The following NMBR variants were observed in gnomAD, a reference collection of about 807,000 sequenced individuals.
NMBR encodes neuromedin-B receptor.
Under a neutral mutation model 20.5 loss-of-function variants are expected in NMBR, and 16 were observed. The ratio of observed to expected loss-of-function variants is 0.78; its 90% CI spans 0.53 to 1.19. The LOEUF is 1.19. Ranked by LOEUF, NMBR falls within the 50% of genes most tolerant of loss-of-function variation. NMBR has a pLI of 0.00. For missense variants in NMBR, 582 were observed against 499.1 expected (o/e 1.17, Z -1.58); for synonymous variants, 212 against 196.6 (o/e 1.08, Z -0.65).
At chr6:142,082,263 T>C (rs976988235) in intron 2 of NMBR, among the ~76,000 whole-genome samples, 7 of 152,204 alleles carry the variant, frequency 4.6e-5, no homozygotes, top group African/African-American at 7.2e-5. Context: ...CTCACTGTTA[T>C]ATCTCTAATA....
At chr6:142,089,700 A>G (rs1434369199) in intron 1 of NMBR, among the ~76,000 whole-genome samples, 1 of 152,144 alleles carries the variant, frequency 6.6e-6, no homozygotes, top group African/African-American at 2.4e-5. Context: ...AGATCCACTC[A>G]TGTTTTTTCT....
chr6:142,100,433 G>T (rs561800079), intron 1 of NMBR, among the ~76,000 whole-genome samples: 3 of 152,246 alleles, frequency 2.0e-5, no homozygotes, highest in South Asian at 2.1e-4. Context: ...AATATATTTT[G>T]CTGATTGAAC....
intron 1 of NMBR, among the ~76,000 whole-genome samples, chr6:142,121,987 C>A (rs1777950829): frequency 2.0e-5 from 3 of 151,910 alleles, no homozygotes; most frequent in African/African-American, 7.2e-5. Context: ...ACAAGACACA[C>A]AGACATTGTA....
At chr6:142,145,701 G>GA (rs1778420264) in intron 1 of NMBR, among the ~76,000 whole-genome samples, 1 of 152,214 alleles carries the variant, frequency 6.6e-6, no homozygotes, top group Non-Finnish European at 1.5e-5. Context: ...GTAGACCAAG[G>GA]AAATTGGGGC....
At chr6:142,083,721 G>A (rs1000522880) in intron 2 of NMBR, among the ~76,000 whole-genome samples, 1 of 152,096 alleles carries the variant, frequency 6.6e-6, no homozygotes, top group African/African-American at 2.4e-5. Context: ...AGACATGCTT[G>A]CTTCCCCTTC....
intron 1 of NMBR, among the ~76,000 whole-genome samples, chr6:142,106,235 A>G (rs929132609): frequency 6.6e-6 from 1 of 152,126 alleles, no homozygotes; most frequent in African/African-American, 2.4e-5. Context: ...AACTCTTCCC[A>G]AAATAGCAAG....
In NMBR at chr6:142,136,436, T is replaced by C. The variant is rs573902898; in HGVS notation, c.-664+10608A>G. 2.6e-5 allele frequency among the ~76,000 whole-genome samples: 4 copies of C among 152,288 alleles called. No individual in the cohort carries two copies. In the East Asian group the frequency reaches 7.7e-4, roughly 29 times the overall value. The stretch of plus-strand genomic sequence containing the variant: ...GTAGGTTGTGAAAATTTTCTCCCGT[T>C]TTGTAGGTTGCCTGTTCACGCTGAT... On this transcript the variant is annotated intron_variant, in intron 1 of 3. Transcript: ENST00000258042.
chr6:142,077,601 G>C (rs1196526317), intron 3 of NMBR, among the ~76,000 whole-genome samples: 1 of 152,188 alleles, frequency 6.6e-6, no homozygotes, highest in Non-Finnish European at 1.5e-5. Flanking sequence ...CTTTGATGTT[G>C]ATGGCCACCA....
rs1449869296 is a variant in NMBR, at chr6:142,084,756, C to T, written c.422+3481G>A. Among the ~76,000 whole-genome samples, 10 of 152,156 alleles carry T rather than the reference C, an allele frequency of 6.6e-5. No homozygotes were observed. The South Asian group carries it at 1.9e-3, about 28-fold the overall frequency. ...TTCAAGAATCAAAGAAATAACATTC[C>T]AAATTTGGAAACGCAGCTACTCATA... On this transcript the variant is annotated intron_variant, in intron 2 of 3. Transcript: ENST00000258042.
chr6:142,119,591 T>C (rs1252852627), intron 1 of NMBR, among the ~76,000 whole-genome samples: 1 of 151,988 alleles, frequency 6.6e-6, no homozygotes, highest in Non-Finnish European at 1.5e-5. Flanking sequence ...TAATATTTTA[T>C]GTTAATTTGG....
At chr6:142,098,273 G>A (rs1777497922) in intron 1 of NMBR, among the ~76,000 whole-genome samples, 1 of 152,100 alleles carries the variant, frequency 6.6e-6, no homozygotes, top group South Asian at 2.1e-4. Context: ...CATCGGGGAT[G>A]AAGAAAAATG....
intron 3 of NMBR, 137 bp from the exon 4 acceptor site, chr6:142,076,186 A>T (rs1198313048): frequency 7.0e-5 from 45 of 642,548 alleles, no homozygotes; most frequent in Non-Finnish European, 1.0e-4. Flanking sequence ...TATTTTCCTC[A>T]CCAAAGTGAT....
At chr6:142,101,329 G>C (rs1777560408) in intron 1 of NMBR, among the ~76,000 whole-genome samples, 1 of 152,114 alleles carries the variant, frequency 6.6e-6, no homozygotes, top group Non-Finnish European at 1.5e-5. Flanking sequence ...ACAGCTTTTG[G>C]CTAAACTTGA....
Position 142,104,834 on chromosome 6 carries a change from T to C in NMBR, c.-663-15513A>G, listed in dbSNP as rs575708582. 7.2e-5 allele frequency among the ~76,000 whole-genome samples: 11 copies of C among 152,358 alleles called. No homozygotes were observed. In the South Asian group the frequency reaches 2.1e-3, roughly 29 times the overall value. ...TGAAGAGACCACCAAACAGGCTTTG[T>C]GTGAGTAATAAAGCTTTTTAATCAC... is the stretch of plus-strand genomic sequence containing the variant. On this transcript the variant is annotated intron_variant, in intron 1 of 3. Coordinates refer to ENST00000258042, the MANE Select transcript of NMBR (RefSeq NM_002511.4).
chr6:142,101,063 T>C (rs932166254), intron 1 of NMBR, among the ~76,000 whole-genome samples: 10 of 152,150 alleles, frequency 6.6e-5, no homozygotes, highest in Admixed American at 3.3e-4. Flanking sequence ...AGTGCAGCCA[T>C]GTGGTAGAAG....
chr6:142,076,578 G>T (rs553107991), intron 3 of NMBR, among the ~76,000 whole-genome samples: 1 of 152,222 alleles, frequency 6.6e-6, no homozygotes, highest in Admixed American at 6.5e-5. Flanking sequence ...TGATATAACC[G>T]TGAATCCTGT....
At chr6:142,094,105 G>A (rs1562236926) in intron 1 of NMBR, among the ~76,000 whole-genome samples, 1 of 152,048 alleles carries the variant, frequency 6.6e-6, no homozygotes, top group Non-Finnish European at 1.5e-5. Flanking sequence ...TAGGTTGCCT[G>A]TTCACTCTGA....
chr6:142,118,824 C>A (rs995844712), intron 1 of NMBR, among the ~76,000 whole-genome samples: 1 of 151,948 alleles, frequency 6.6e-6, no homozygotes, highest in African/African-American at 2.4e-5. Context: ...AGATTGTCAG[C>A]ATTCAGAATA....
chr6:142,122,042 T>A (rs1024009708), intron 1 of NMBR, among the ~76,000 whole-genome samples: 1 of 151,964 alleles, frequency 6.6e-6, no homozygotes, highest in Non-Finnish European at 1.5e-5. Context: ...GTTCCCTTTT[T>A]AAGCCCCTCT....
Sources: gnomAD v4.1 joint callset for allele counts (sites outside exome capture counted in the v4.1 genomes callset) on GRCh38, gnomAD v4.1.1 for gene constraint, MANE v1.5 for transcripts, NCBI Gene and HGNC (gene_info 2026-07-23, HGNC 2026-07-21) for gene names.